HCN1: variants seen among roughly 807,000 people sequenced by gnomAD.
HCN1 encodes the protein hyperpolarization activated cyclic nucleotide gated potassium channel 1.
In HCN1, 13 loss-of-function variants were observed where a neutral mutation model predicts 78.9. The ratio of observed to expected loss-of-function variants is 0.16; its 90% CI spans 0.11 to 0.26. The LOEUF (loss-of-function observed/expected upper bound fraction) is 0.26, where lower values mean the gene tolerates loss of function less well. Ranked by LOEUF, HCN1 falls within the 10% of genes least tolerant of loss-of-function variation. The pLI is 1.00. For missense variants in HCN1, 810 were observed against 1,154.3 expected (o/e 0.70, Z 4.32); for synonymous variants, 552 against 455.5 (o/e 1.21, Z -2.70).
At chr5:45,355,772 T>A (rs114210604) in intron 4 of HCN1, among the ~76,000 whole-genome samples, 221 of 152,064 alleles carry the variant, frequency 1.5e-3, no homozygotes, top group African/African-American at 4.0e-3. Flanking sequence ...GTACTGTTAA[T>A]ACCTGCCAAG....
chr5:45,447,500 A>G (rs1740824195), intron 3 of HCN1, among the ~76,000 whole-genome samples: 1 of 152,262 alleles, frequency 6.6e-6, no homozygotes, highest in East Asian at 1.9e-4. Context: ...GTCTTGGCCT[A>G]TCAAAGTGCT....
chr5:45,394,407 T>C (rs746509894), intron 4 of HCN1, among the ~76,000 whole-genome samples: 3 of 152,122 alleles, frequency 2.0e-5, no homozygotes, highest in Admixed American at 1.3e-4. Context: ...AAAAAGATAA[T>C]AATTTAGCCA....
At chr5:45,388,414 G>A (rs1305527717) in intron 4 of HCN1, among the ~76,000 whole-genome samples, 4 of 152,144 alleles carry the variant, frequency 2.6e-5, no homozygotes, top group African/African-American at 9.7e-5. Context: ...CTCTTGTCAT[G>A]AGCTGGAAGA....
At position 45,695,926 on chromosome 5, in the gene HCN1, G is replaced by A. The variant is rs996210990; in HGVS notation, c.168C>T (p.Ser56=). 7 of 1,465,350 alleles carry A rather than the reference G, an allele frequency of 4.8e-6. No homozygotes were observed. The highest frequency in any genetic ancestry group is 6.3e-6 in the Non-Finnish European group (7 of 1,118,972). 90.8% of individuals were successfully genotyped at this position (1,465,350 alleles called of 1,614,324 possible). A position where few individuals can be genotyped will look rare whatever the true frequency, so the allele number is the denominator to read the frequency against. The stretch of plus-strand genomic sequence containing the variant: ...CACCGCCGTCCACCTTGAAGCACAC[G>A]GAGTTGCCGTGCTCCTTCGCGCCGG... ...GGAGAKEHGN[S]VCFKVDGGGG... The change falls in exon 1 of 8, where the codon TCC becomes TCT. Residue 56 remains serine (S), a synonymous_variant. Coordinates refer to ENST00000303230, the MANE Select transcript of HCN1 (RefSeq NM_021072.4).
chr5:45,280,516 A>C (rs1461903609), intron 6 of HCN1, among the ~76,000 whole-genome samples: 1 of 152,170 alleles, frequency 6.6e-6, no homozygotes, highest in Non-Finnish European at 1.5e-5. Context: ...GCATTGTAAA[A>C]TGTTTAGCTT....
chr5:45,445,683 G>C (rs970365961), intron 3 of HCN1, among the ~76,000 whole-genome samples: 4 of 152,158 alleles, frequency 2.6e-5, no homozygotes, highest in African/African-American at 7.2e-5. Flanking sequence ...ACTCCTCTGA[G>C]ACAAAACTTC....
chr5:45,638,828 G>A (rs924421835), intron 2 of HCN1, among the ~76,000 whole-genome samples: 49 of 152,272 alleles, frequency 3.2e-4, no homozygotes, highest in African/African-American at 1.2e-3. Flanking sequence ...CTTGAACTCA[G>A]GAGGCAGAGG....
At chr5:45,586,342 C>A (rs1427212312) in intron 2 of HCN1, among the ~76,000 whole-genome samples, 2 of 152,172 alleles carry the variant, frequency 1.3e-5, no homozygotes, top group African/African-American at 2.4e-5. Flanking sequence ...GATAAAATCT[C>A]CTGGTGTGCC....
At chr5:45,561,844 T>A (rs1048034795) in intron 2 of HCN1, among the ~76,000 whole-genome samples, 5 of 152,132 alleles carry the variant, frequency 3.3e-5, no homozygotes, top group Admixed American at 1.3e-4. Context: ...ACTCTGGACA[T>A]GGAAACTTCC....
intron 2 of HCN1, among the ~76,000 whole-genome samples, chr5:45,479,124 TA>T (rs1160851737): frequency 0.037 from 5,024 of 136,836 alleles, 200 homozygotes; most frequent in African/African-American, 0.11. Context: ...GAGACTGTTT[TA>T]AAAAAAAAAA....
intron 2 of HCN1, among the ~76,000 whole-genome samples, chr5:45,613,664 C>A (rs1428442409): frequency 1.3e-5 from 2 of 151,882 alleles, no homozygotes; most frequent in Non-Finnish European, 2.9e-5. Flanking sequence ...CACATGCACA[C>A]GTATGTTTAT....
At chr5:45,554,556 T>C (rs1023502243) in intron 2 of HCN1, among the ~76,000 whole-genome samples, 1 of 151,704 alleles carries the variant, frequency 6.6e-6, no homozygotes, top group Non-Finnish European at 1.5e-5. Context: ...AGAAACAATG[T>C]CTGATAGATC....
At chr5:45,336,546 G>A (rs1746459948) in intron 5 of HCN1, among the ~76,000 whole-genome samples, 2 of 152,204 alleles carry the variant, frequency 1.3e-5, no homozygotes, top group South Asian at 2.1e-4. Flanking sequence ...ATACCTTGAA[G>A]TGTCTCAATA....
At chr5:45,321,090 C>G (rs575833445) in intron 5 of HCN1, among the ~76,000 whole-genome samples, 1 of 151,788 alleles carries the variant, frequency 6.6e-6, no homozygotes, top group African/African-American at 2.4e-5. Flanking sequence ...TGTGGCTTGT[C>G]AATGACTGCC....
At chr5:45,661,042 A>G (rs1164166074) in intron 1 of HCN1, among the ~76,000 whole-genome samples, 1 of 126,926 alleles carries the variant, frequency 7.9e-6, no homozygotes. Flanking sequence ...AAAATTGACC[A>G]CATAGTTGGA....
chr5:45,451,879 C>T lies in HCN1; in HGVS notation c.1011+9967G>A, dbSNP rs560335054. 1.2e-4 allele frequency among the ~76,000 whole-genome samples: 18 copies of T among 152,066 alleles called. 1 individual carries two copies. Among genetic ancestry groups the T allele is most frequent in the African/African-American group, 4.3e-4 (18 of 41,520 alleles). On this transcript the variant is annotated intron_variant, in intron 3 of 7. Coordinates refer to ENST00000303230, the MANE Select transcript of HCN1 (RefSeq NM_021072.4). The stretch of plus-strand genomic sequence containing the variant: ...TGTAGGAATCAGGATTTTAGATTAT[C>T]ACATTGATCACAGTAGCAAAGGGTA...
chr5:45,363,442 C>A (rs1579841192), intron 4 of HCN1, among the ~76,000 whole-genome samples: 1 of 151,708 alleles, frequency 6.6e-6, no homozygotes, highest in Non-Finnish European at 1.5e-5. Context: ...TAATAACAGC[C>A]CCTATCCTTC....
chr5:45,266,704 A>ACTTTTTTTT (rs1554014620), intron 7 of HCN1, among the ~76,000 whole-genome samples: 1 of 136,638 alleles, frequency 7.3e-6, no homozygotes. Flanking sequence ...GGCATGTGGG[A>ACTTTTTTTT]TTTTTTTTTT....
chr5:45,375,122 A>C (rs1343014822), intron 4 of HCN1, among the ~76,000 whole-genome samples: 12 of 121,794 alleles, frequency 9.9e-5, no homozygotes, highest in Non-Finnish European at 1.3e-4. Context: ...ATAATATATT[A>C]TATATAATAT....
Sources: allele counts gnomAD v4.1 joint callset (sites outside exome capture counted in the v4.1 genomes callset), GRCh38; gene constraint gnomAD v4.1.1; transcripts MANE v1.5; gene names NCBI Gene and HGNC (gene_info 2026-07-23, HGNC 2026-07-21).